LRRTM4: variants seen among roughly 807,000 people sequenced by gnomAD.
LRRTM4 encodes the protein leucine rich repeat transmembrane neuronal 4, also known as leucine-rich repeat transmembrane neuronal protein 4.
In LRRTM4, 25 loss-of-function variants were observed where a neutral mutation model predicts 47.6. The observed-to-expected ratio is 0.53, with a 90% confidence interval of 0.38 to 0.73. The LOEUF is 0.73. LRRTM4 is among the 30% of genes least tolerant of loss of function. The pLI is 0.00. For synonymous variants in LRRTM4, 311 were observed against 269.5 expected, an observed-to-expected ratio of 1.15 and a Z score of -1.51; for missense variants, 638 against 713.4, an observed-to-expected ratio of 0.89 and a Z score of 1.20.
At chr2:77,293,059 C>T (rs1676874090) in intron 3 of LRRTM4, among the ~76,000 whole-genome samples, 1 of 151,826 alleles carries the variant, frequency 6.6e-6, no homozygotes, top group Admixed American at 6.6e-5. Context: ...GTACATTGAG[C>T]TTGTATACTT....
At chr2:77,035,614 A>G (rs2104156670) in intron 3 of LRRTM4, among the ~76,000 whole-genome samples, 1 of 152,052 alleles carries the variant, frequency 6.6e-6, no homozygotes, top group African/African-American at 2.4e-5. Context: ...TATTTCAATA[A>G]TTTTATAAAT....
intron 3 of LRRTM4, among the ~76,000 whole-genome samples, chr2:77,237,627 C>A (rs1675140042): frequency 6.6e-6 from 1 of 151,334 alleles, no homozygotes; most frequent in Non-Finnish European, 1.5e-5. Flanking sequence ...GTGTTTACAC[C>A]CACATATAGG....
At chr2:76,964,814 A>G (rs2103922078) in intron 3 of LRRTM4, among the ~76,000 whole-genome samples, 1 of 151,004 alleles carries the variant, frequency 6.6e-6, no homozygotes, top group African/African-American at 2.4e-5. Context: ...ATAAAGAGAG[A>G]GAGATAGAAG....
intron 3 of LRRTM4, among the ~76,000 whole-genome samples, chr2:77,252,093 C>T (rs6712838): frequency 0.55 from 83,118 of 152,022 alleles, 23,085 homozygotes; most frequent in African/African-American, 0.6. Flanking sequence ...TCAACAAATC[C>T]GTCATTCACC....
Position 76,790,643 on chromosome 2 carries a change from C to T in LRRTM4, c.1552-41727G>A, listed in dbSNP as rs147976735. On this transcript the variant is annotated intron_variant, in intron 3 of 3. Transcript: ENST00000409884. ...TCCCATTGCTATTTCTCGTGGATAG[C>T]ATTAGAGCATCTGAATTTGGGGAAC... 1.5e-3 allele frequency among the ~76,000 whole-genome samples: 221 copies of T among 152,160 alleles called. 2 individuals carry two copies. Among genetic ancestry groups the T allele is most frequent in the African/African-American group, 5.2e-3 (216 of 41,528 alleles).
At chr2:77,244,653 GTT>G (rs1675379837) in intron 3 of LRRTM4, among the ~76,000 whole-genome samples, 1 of 151,826 alleles carries the variant, frequency 6.6e-6, no homozygotes, top group South Asian at 2.1e-4. Context: ...AGACTTAGAA[GTT>G]CATAAGAAAT....
intron 3 of LRRTM4, among the ~76,000 whole-genome samples, chr2:77,069,442 T>C (rs1680077651): frequency 6.6e-6 from 1 of 151,820 alleles, no homozygotes; most frequent in Admixed American, 6.6e-5. Context: ...TGTGTGTTTG[T>C]GTGTGTTGGA....
At chr2:76,818,208 G>A (rs1670956190) in intron 3 of LRRTM4, among the ~76,000 whole-genome samples, 1 of 151,808 alleles carries the variant, frequency 6.6e-6, no homozygotes, top group Admixed American at 6.6e-5. Context: ...AGAGTAAATT[G>A]ACTATTGTTT....
At chr2:77,502,052 T>C (rs1184042815) in intron 3 of LRRTM4, among the ~76,000 whole-genome samples, 4 of 151,436 alleles carry the variant, frequency 2.6e-5, no homozygotes, top group African/African-American at 9.7e-5. Context: ...CTAAATTTGC[T>C]TATCCTGAAA....
chr2:76,933,149 A>T (rs1250588290), intron 3 of LRRTM4, among the ~76,000 whole-genome samples: 1 of 152,158 alleles, frequency 6.6e-6, no homozygotes, highest in African/African-American at 2.4e-5. Context: ...TAAATAGCAC[A>T]TTTTAAAAAA....
intron 3 of LRRTM4, among the ~76,000 whole-genome samples, chr2:76,804,877 G>T (rs1675891783): frequency 6.6e-6 from 1 of 151,098 alleles, no homozygotes; most frequent in African/African-American, 2.4e-5. Flanking sequence ...TTTAAAGCCT[G>T]CCACAAGATA....
At chr2:77,337,649 CT>C (rs769099488) in intron 3 of LRRTM4, among the ~76,000 whole-genome samples, 27 of 152,046 alleles carry the variant, frequency 1.8e-4, no homozygotes, top group Non-Finnish European at 3.4e-4. Context: ...TCTCCTTTGC[CT>C]TCCACCATGA....
intron 3 of LRRTM4, among the ~76,000 whole-genome samples, chr2:77,362,115 G>GAGAA (rs1230993221): frequency 0.12 from 11,661 of 98,456 alleles, 742 homozygotes; most frequent in Non-Finnish European, 0.12. Flanking sequence ...GAAAGAAAGA[G>GAGAA]AGAAAGAAAG....
chr2:76,781,954 A>T (rs1314161905), intron 3 of LRRTM4, among the ~76,000 whole-genome samples: 2 of 152,058 alleles, frequency 1.3e-5, no homozygotes, highest in Non-Finnish European at 2.9e-5. Flanking sequence ...TTATCTTGAC[A>T]TTTTTTTAAA....
intron 3 of LRRTM4, among the ~76,000 whole-genome samples, chr2:77,004,534 T>C (rs1677561930): frequency 1.3e-5 from 2 of 152,184 alleles, no homozygotes; most frequent in African/African-American, 4.8e-5. Flanking sequence ...GGCAGAAGTG[T>C]GCTACAGTGG....
At chr2:76,873,506 GTA>G (rs58469429) in intron 3 of LRRTM4, among the ~76,000 whole-genome samples, 2,087 of 112,192 alleles carry the variant, frequency 0.019, 64 homozygotes, top group African/African-American at 0.051. Flanking sequence ...ATATATGTGT[GTA>G]TATATATATA....
chr2:77,220,519 T>C (rs1028303324), intron 3 of LRRTM4, among the ~76,000 whole-genome samples: 4 of 152,172 alleles, frequency 2.6e-5, no homozygotes, highest in African/African-American at 9.7e-5. Context: ...AAGGACCTGT[T>C]GGAGCTGAAA....
At chr2:77,490,723 C>T (rs2104044750) in intron 3 of LRRTM4, among the ~76,000 whole-genome samples, 1 of 152,246 alleles carries the variant, frequency 6.6e-6, no homozygotes, top group South Asian at 2.1e-4. Flanking sequence ...CATCTCACAT[C>T]AACTGCCAGA....
intron 3 of LRRTM4, among the ~76,000 whole-genome samples, chr2:76,985,734 A>G (rs1676771693): frequency 6.6e-6 from 1 of 152,000 alleles, no homozygotes; most frequent in Admixed American, 6.6e-5. Context: ...CATTTATTTA[A>G]GCAAAACACC....
Sources: allele counts gnomAD v4.1 joint callset (sites outside exome capture counted in the v4.1 genomes callset), GRCh38; gene constraint gnomAD v4.1.1; transcripts MANE v1.5; gene names NCBI Gene and HGNC (gene_info 2026-07-23, HGNC 2026-07-21).